Variants in RBFOX1 observed in about 807,000 individuals in gnomAD.
RBFOX1 encodes RNA binding protein fox-1 homolog 1.
Under a neutral mutation model 57.7 loss-of-function variants are expected in RBFOX1, and 8 were observed. The ratio of observed to expected loss-of-function variants is 0.14; its 90% CI spans 0.08 to 0.25. RBFOX1 has a LOEUF of 0.25. Ranked by LOEUF, RBFOX1 falls within the 10% of genes least tolerant of loss-of-function variation. RBFOX1 has a pLI of 1.00. For missense variants in RBFOX1, 611 were observed against 548.5 expected (o/e 1.11, Z -1.14); for synonymous variants, 326 against 222.4 (o/e 1.47, Z -4.15).
chr16:7,046,139 G>A (rs1198640663), intron 3 of RBFOX1, among the ~76,000 whole-genome samples: 2 of 151,974 alleles, frequency 1.3e-5, no homozygotes, highest in African/African-American at 2.4e-5. Flanking sequence ...ATTGCCCTCA[G>A]TCTTTAATTG....
chr16:7,207,522 C>T (rs936367059), intron 4 of RBFOX1, among the ~76,000 whole-genome samples: 17 of 152,250 alleles, frequency 1.1e-4, no homozygotes, highest in African/African-American at 4.1e-4. Flanking sequence ...ATAGATGATC[C>T]AGTGAATATT....
chr16:5,637,239 C>T (rs895850938), intron 3 of RBFOX1, among the ~76,000 whole-genome samples: 1 of 152,182 alleles, frequency 6.6e-6, no homozygotes, highest in African/African-American at 2.4e-5. Context: ...AAGCAGCCTC[C>T]AACAATTAGG....
intron 3 of RBFOX1, among the ~76,000 whole-genome samples, chr16:5,744,408 C>T (rs184695869): frequency 3.3e-5 from 5 of 152,286 alleles, no homozygotes; most frequent in Admixed American, 2.6e-4. Flanking sequence ...ACTTTAGATT[C>T]TTCTTAGGCA....
chr16:5,630,111 CAG>C (rs2048458972), intron 3 of RBFOX1, among the ~76,000 whole-genome samples: 1 of 152,176 alleles, frequency 6.6e-6, no homozygotes, highest in Non-Finnish European at 1.5e-5. Context: ...ATTTGAGGCT[CAG>C]AGGCACAGAG....
intron 4 of RBFOX1, among the ~76,000 whole-genome samples, chr16:7,155,788 ATCAT>A (rs2076997670): frequency 6.8e-6 from 1 of 147,278 alleles, no homozygotes; most frequent in South Asian, 2.1e-4. Context: ...CACATATATA[ATCAT>A]TCAGCTATTC....
chr16:6,156,639 G>T (rs11860685), intron 1 of RBFOX1, among the ~76,000 whole-genome samples: 1 of 152,104 alleles, frequency 6.6e-6, no homozygotes, highest in Non-Finnish European at 1.5e-5. Flanking sequence ...AGGGTTGTGG[G>T]GGGATCCAAG....
intron 4 of RBFOX1, among the ~76,000 whole-genome samples, chr16:7,289,335 T>C (rs974478882): frequency 4.0e-5 from 6 of 151,476 alleles, no homozygotes; most frequent in African/African-American, 9.7e-5. Flanking sequence ...CAAAGGTCAA[T>C]GTACATTGCC....
At chr16:6,133,714 C>G (rs915091342) in intron 1 of RBFOX1, among the ~76,000 whole-genome samples, 33 of 152,282 alleles carry the variant, frequency 2.2e-4, no homozygotes, top group African/African-American at 7.9e-4. Context: ...TCACCTTGCT[C>G]ACACCTGGTA....
chr16:6,923,133 A>G (rs1597332517), intron 3 of RBFOX1, among the ~76,000 whole-genome samples: 1 of 152,178 alleles, frequency 6.6e-6, no homozygotes, highest in Non-Finnish European at 1.5e-5. Context: ...AGGAGATAGG[A>G]AAGCAGCTGG....
At chr16:6,780,982 A>G (rs1008705794) in intron 3 of RBFOX1, among the ~76,000 whole-genome samples, 20 of 151,994 alleles carry the variant, frequency 1.3e-4, no homozygotes, top group Admixed American at 1.1e-3. Context: ...TGCTGTGCAG[A>G]CACTTTTTAG....
intron 2 of RBFOX1, among the ~76,000 whole-genome samples, chr16:5,518,132 A>G (rs2043863411): frequency 6.6e-6 from 1 of 152,266 alleles, no homozygotes; most frequent in South Asian, 2.1e-4. Flanking sequence ...AAACAAATTT[A>G]TAAATTAAAT....
chr16:7,576,096 A>T (rs1602274089), intron 5 of RBFOX1, among the ~76,000 whole-genome samples: 2 of 123,424 alleles, frequency 1.6e-5, no homozygotes, highest in African/African-American at 2.7e-5. Flanking sequence ...ATGATCAGCT[A>T]TTTTTTTTTT....
intron 2 of RBFOX1, among the ~76,000 whole-genome samples, chr16:6,321,649 C>G (rs745688777): frequency 1.7e-4 from 26 of 152,262 alleles, no homozygotes; most frequent in Non-Finnish European, 2.9e-4. Flanking sequence ...GCCCATAGTT[C>G]ACCATCAGTA....
At chr16:5,536,344 C>G (rs577728514) in intron 2 of RBFOX1, among the ~76,000 whole-genome samples, 1 of 150,718 alleles carries the variant, frequency 6.6e-6, no homozygotes, top group African/African-American at 2.4e-5. Flanking sequence ...AAGCGATTCT[C>G]CTGCCTCAGC....
chr16:5,253,400 C>G lies in RBFOX1; in HGVS notation c.219+13295C>G, dbSNP rs867893010. On this transcript the variant is annotated intron_variant, in intron 1 of 2. Transcript: ENST00000585867. ...CTCCTGACCTCAGGTGATCCACCCA[C>G]CTCGGCCTCCCAAAGTGCTGGGATT... 9.8e-5 allele frequency among the ~76,000 whole-genome samples: 15 copies of G among 152,288 alleles called. No individual in the cohort carries two copies. In the Middle Eastern group the frequency reaches 0.017, roughly 173 times the overall value.
intron 3 of RBFOX1, among the ~76,000 whole-genome samples, chr16:6,858,263 G>C (rs1025855636): frequency 6.6e-6 from 1 of 152,208 alleles, no homozygotes; most frequent in Admixed American, 6.5e-5. Flanking sequence ...ACTACACTTT[G>C]TAGGGAATGT....
rs989448151 is a variant in RBFOX1, at chr16:5,984,419, G to A, written c.351+117084G>A. Among the ~76,000 whole-genome samples, 13 of 151,856 alleles carry A rather than the reference G, an allele frequency of 8.6e-5. No individual in the cohort carries two copies. The East Asian group carries it at 2.6e-3, about 30-fold the overall frequency. On this transcript the variant is annotated intron_variant, in intron 4 of 19. Transcript: ENST00000641259. The stretch of plus-strand genomic sequence containing the variant: ...CAAAGAAGGAAAACTGCAGGGAGAA[G>A]AGGAACGCATCAATTAATTTACCAA...
rs368034126 is a variant in RBFOX1 at position 7,649,869 on chromosome 16, C to A, written c.758-3946C>A. 2.6e-5 allele frequency among the ~76,000 whole-genome samples: 4 copies of A among 152,060 alleles called. No homozygotes were observed. The South Asian group carries it at 8.3e-4, about 32-fold the overall frequency. On this transcript the variant is annotated intron_variant, in intron 11 of 15. Transcript: ENST00000550418. ...TACATGAACCAGGGGAGGAACAGGG[C>A]AGCCCTCTTTAGAAAAAAAATTCCA... is the stretch of plus-strand genomic sequence containing the variant.
chr16:6,190,890 G>T (rs2097137277), intron 1 of RBFOX1, among the ~76,000 whole-genome samples: 1 of 152,148 alleles, frequency 6.6e-6, no homozygotes, highest in Non-Finnish European at 1.5e-5. Flanking sequence ...TCTCCATCTT[G>T]TGTGTGGTGT....
Sources: gnomAD v4.1 joint callset for allele counts (sites outside exome capture counted in the v4.1 genomes callset) on GRCh38, gnomAD v4.1.1 for gene constraint, MANE v1.5 for transcripts, NCBI Gene and HGNC (gene_info 2026-07-23, HGNC 2026-07-21) for gene names.